Variants in CTNNA3 observed in about 807,000 individuals in gnomAD.
The protein encoded by CTNNA3 is catenin alpha-3.
In CTNNA3, 76 loss-of-function variants were observed where a neutral mutation model predicts 95.7. The observed-to-expected ratio is 0.79, with a 90% CI of 0.66 to 0.96. The LOEUF (loss-of-function observed/expected upper bound fraction) is 0.96. Ranked by LOEUF, CTNNA3 falls within the 40% of genes least tolerant of loss-of-function variation. The probability of loss-of-function intolerance (pLI) is 0.00; values close to 1 mark genes in which losing one functional copy is unlikely to be tolerated. For missense variants in CTNNA3, 1,191 were observed against 1,089.8 expected (o/e 1.09, Z -1.31); for synonymous variants, 431 against 374.4 (o/e 1.15, Z -1.74).
chr10:66,588,206 G>A (rs992602748), intron 10 of CTNNA3, among the ~76,000 whole-genome samples: 14 of 151,878 alleles, frequency 9.2e-5, no homozygotes, highest in African/African-American at 1.9e-4. Flanking sequence ...TGAATTGCCC[G>A]GCTCTCCGGT....
intron 13 of CTNNA3, among the ~76,000 whole-genome samples, chr10:66,128,511 T>G (rs751901828): frequency 6.6e-6 from 1 of 151,888 alleles, no homozygotes. Context: ...TGGAAGAAAC[T>G]TAAATGCATA....
At chr10:66,669,323 C>A (rs1309333829) in intron 9 of CTNNA3, among the ~76,000 whole-genome samples, 2 of 152,030 alleles carry the variant, frequency 1.3e-5, no homozygotes, top group Admixed American at 6.6e-5. Flanking sequence ...GCTGATGGAT[C>A]ACTTGAGGTC....
chr10:66,240,436 G>A (rs746058945), intron 13 of CTNNA3, among the ~76,000 whole-genome samples: 4 of 151,938 alleles, frequency 2.6e-5, no homozygotes, highest in Non-Finnish European at 4.4e-5. Context: ...TGTACTAGCC[G>A]GACAAAACAA....
chr10:67,408,785 CAA>C (rs1255137861), intron 5 of CTNNA3, among the ~76,000 whole-genome samples: 1 of 141,880 alleles, frequency 7.0e-6, no homozygotes, highest in Non-Finnish European at 1.5e-5. Context: ...AAACTATCAT[CAA>C]GTGAACAGAT....
Position 67,180,314 on chromosome 10 carries a change from T to C in CTNNA3, c.1047+3A>G, listed in dbSNP as rs762184094. ...GGGATGGGAAGGCAAACCAGTCACC[T>C]ACGTTGTTCATGTACTCTGAAAGCA... is the stretch of plus-strand genomic sequence containing the variant. On this transcript the variant is annotated splice_donor_region_variant and intron_variant, in intron 7 of 17. Coordinates refer to ENST00000433211, the MANE Select transcript of CTNNA3 (RefSeq NM_013266.4). 6 of 1,612,920 alleles carry C rather than the reference T, an allele frequency of 3.7e-6. No homozygotes were observed. Among genetic ancestry groups the C allele is most frequent in the Non-Finnish European group, 5.1e-6 (6 of 1,179,608 alleles).
At chr10:66,182,949 T>C (rs1217252914) in intron 13 of CTNNA3, among the ~76,000 whole-genome samples, 1 of 152,182 alleles carries the variant, frequency 6.6e-6, no homozygotes, top group African/African-American at 2.4e-5. Context: ...TGTGATGAAA[T>C]GGACTCTCAC....
chr10:67,291,229 G>A (rs1024565458), intron 5 of CTNNA3, among the ~76,000 whole-genome samples: 1 of 152,106 alleles, frequency 6.6e-6, no homozygotes, highest in Admixed American at 6.5e-5. Context: ...ACAATGCTTG[G>A]GACGTGGTGA....
chr10:66,334,137 T>C (rs1292074565), intron 12 of CTNNA3, among the ~76,000 whole-genome samples: 1 of 152,026 alleles, frequency 6.6e-6, no homozygotes, highest in African/African-American at 2.4e-5. Flanking sequence ...GCATGTGAGA[T>C]GGGTTTCCTG....
At chr10:66,996,649 C>CAAAAAAAAAAAAAAAAAAAAAAAAAAAA (rs57025097) in intron 7 of CTNNA3, among the ~76,000 whole-genome samples, 1 of 67,644 alleles carries the variant, frequency 1.5e-5, no homozygotes, top group Non-Finnish European at 2.5e-5. Flanking sequence ...TCCGTCTCTA[C>CAAAAAAAAAAAAAAAAAAAAAAAAAAAA]AAAAAAAAAA....
At chr10:66,613,314 A>C (rs1203479451) in intron 10 of CTNNA3, among the ~76,000 whole-genome samples, 1 of 151,964 alleles carries the variant, frequency 6.6e-6, no homozygotes, top group Non-Finnish European at 1.5e-5. Flanking sequence ...AGGCCTTAAA[A>C]TTCTTATTTC....
chr10:67,740,376 A>C (rs926620066), intron 1 of CTNNA3, among the ~76,000 whole-genome samples: 1 of 151,688 alleles, frequency 6.6e-6, no homozygotes, highest in Non-Finnish European at 1.5e-5. Context: ...CAGGCAACCC[A>C]CAAAATGGGA....
intron 13 of CTNNA3, among the ~76,000 whole-genome samples, chr10:66,181,918 C>T (rs1564737202): frequency 1.3e-5 from 2 of 152,044 alleles, no homozygotes; most frequent in Non-Finnish European, 2.9e-5. Flanking sequence ...GTTACTTTCC[C>T]CTTAGGCTTA....
At chr10:66,201,514 C>T (rs2087404708) in intron 13 of CTNNA3, among the ~76,000 whole-genome samples, 1 of 152,112 alleles carries the variant, frequency 6.6e-6, no homozygotes, top group Non-Finnish European at 1.5e-5. Context: ...AATCCTTCTC[C>T]TCCAACAGCC....
In CTNNA3 at chr10:66,820,939, C is replaced by T. The variant is rs189031186; in HGVS notation, c.1048-45415G>A. Among the ~76,000 whole-genome samples, 363 of 152,136 alleles carry T rather than the reference C, an allele frequency of 2.4e-3. 2 individuals are homozygous for T. The highest frequency in any genetic ancestry group is 8.3e-3 in the African/African-American group (343 of 41,550). ...TATACAAAAGTGTTAGTCTTCCTTA[C>T]AAAACACCCCTTTATATTTTGCCTC... On this transcript the variant is annotated intron_variant, in intron 7 of 17. Transcript: ENST00000433211.
chr10:66,325,116 CA>C (rs2092238743), intron 12 of CTNNA3, among the ~76,000 whole-genome samples: 1 of 151,722 alleles, frequency 6.6e-6, no homozygotes, highest in Non-Finnish European at 1.5e-5. Context: ...CTTTTGGGAC[CA>C]AAAGCAAACA....
chr10:66,578,679 C>T (rs557659218), intron 10 of CTNNA3, among the ~76,000 whole-genome samples: 13 of 151,796 alleles, frequency 8.6e-5, no homozygotes, highest in East Asian at 1.9e-4. Context: ...ACTTGATCAC[C>T]GTAAATTAAC....
At chr10:66,114,372 G>A (rs916883786) in intron 13 of CTNNA3, among the ~76,000 whole-genome samples, 1 of 150,360 alleles carries the variant, frequency 6.7e-6, no homozygotes, top group African/African-American at 2.5e-5. Context: ...ATGTGTGTGT[G>A]TGTATATATG....
At chr10:66,074,701 G>A (rs1042898611) in intron 14 of CTNNA3, among the ~76,000 whole-genome samples, 4 of 151,518 alleles carry the variant, frequency 2.6e-5, no homozygotes, top group Admixed American at 2.0e-4. Flanking sequence ...TGTTCATATT[G>A]TTCTCTCTTG....
chr10:66,205,832 C>A (rs758825274), intron 13 of CTNNA3, among the ~76,000 whole-genome samples: 1 of 151,860 alleles, frequency 6.6e-6, no homozygotes, highest in Non-Finnish European at 1.5e-5. Flanking sequence ...ATGTGTACAT[C>A]TTTTAACAGA....
Sources: allele counts gnomAD v4.1 joint callset (sites outside exome capture counted in the v4.1 genomes callset), GRCh38; gene constraint gnomAD v4.1.1; transcripts MANE v1.5; gene names NCBI Gene and HGNC (gene_info 2026-07-23, HGNC 2026-07-21).